SLC38A12: variants seen among roughly 807,000 people sequenced by gnomAD.
The protein encoded by SLC38A12 is putative sodium-coupled neutral amino acid transporter 12.
the SLC38A12 span, among the ~76,000 whole-genome samples, chr17:74,783,841 C>T: frequency 1.3e-5 from 2 of 151,224 alleles, no homozygotes; most frequent in Non-Finnish European, 2.9e-5. Context: ...AGCGATCCCC[C>T]TGCCTCAGCC....
At chr17:74,838,642 C>T in the SLC38A12 span, 24 of 1,378,374 alleles carry the variant, frequency 1.7e-5, no homozygotes, top group East Asian at 1.4e-4. Context: ...TCACCACTGC[C>T]GTTGTCTAGC....
the SLC38A12 span, among the ~76,000 whole-genome samples, chr17:74,833,664 C>T: frequency 6.6e-6 from 1 of 152,198 alleles, no homozygotes; most frequent in Non-Finnish European, 1.5e-5. Context: ...CTCTTCCTGC[C>T]TTCTTGCCTG....
the SLC38A12 span, among the ~76,000 whole-genome samples, chr17:74,803,629 A>G: frequency 1.3e-5 from 2 of 152,176 alleles, no homozygotes; most frequent in African/African-American, 4.8e-5. Flanking sequence ...TGGTGCAGTC[A>G]GGGATAAAAA....
chr17:74,783,207 G>A, the SLC38A12 span, among the ~76,000 whole-genome samples: 1 of 152,250 alleles, frequency 6.6e-6, no homozygotes, highest in African/African-American at 2.4e-5. Context: ...TCAGAGATAA[G>A]CAGGGTCCAG....
At chr17:74,836,307 A>T in the SLC38A12 span, 2 of 1,612,428 alleles carry the variant, frequency 1.2e-6, no homozygotes, top group Non-Finnish European at 1.7e-6. This position sits in a 1 kb window ranked among gnomAD's most constrained non-coding sequence, Gnocchi z 4.2. Context: ...CAACTTCCCC[A>T]TCATTGCCGT....
chr17:74,779,560 C>A, the SLC38A12 span, among the ~76,000 whole-genome samples: 4 of 152,210 alleles, frequency 2.6e-5, no homozygotes, highest in African/African-American at 9.7e-5. Flanking sequence ...TGGAACAATT[C>A]TTGGTCCTCT....
the SLC38A12 span, among the ~76,000 whole-genome samples, chr17:74,797,115 G>A: frequency 4.6e-5 from 7 of 152,150 alleles, no homozygotes; most frequent in East Asian, 1.2e-3. Context: ...CACACTCCCC[G>A]CCCACCAGCA....
the SLC38A12 span, among the ~76,000 whole-genome samples, chr17:74,782,113 G>A: frequency 6.6e-6 from 1 of 152,178 alleles, no homozygotes; most frequent in Non-Finnish European, 1.5e-5. Flanking sequence ...TTCTTCCCAG[G>A]CTGGAGCGCA....
At chr17:74,836,696 C>A in the SLC38A12 span, 4 of 1,584,356 alleles carry the variant, frequency 2.5e-6, no homozygotes, top group Admixed American at 6.8e-5. The surrounding 1 kb of genome is among the most constrained non-coding windows in gnomAD (Gnocchi z 4.2). Context: ...GATGGCAGGA[C>A]AGGCAGGTCT....
At chr17:74,791,199 GT>G in the SLC38A12 span, among the ~76,000 whole-genome samples, 5 of 152,196 alleles carry the variant, frequency 3.3e-5, no homozygotes, top group Non-Finnish European at 7.3e-5. Context: ...TTGCTGACCT[GT>G]TTTCCTGGAT....
At chr17:74,813,115 G>A in the SLC38A12 span, among the ~76,000 whole-genome samples, 1,541 of 152,262 alleles carry the variant, frequency 0.01, 33 homozygotes, top group African/African-American at 0.035. Flanking sequence ...CCCCTGCCCC[G>A]CCCCACTTCA....
At chr17:74,784,001 A>G in the SLC38A12 span, among the ~76,000 whole-genome samples, 1 of 151,764 alleles carries the variant, frequency 6.6e-6, no homozygotes, top group African/African-American at 2.4e-5. Flanking sequence ...TGCCAGGATT[A>G]CAGGCATGAG....
chr17:74,835,965 G>C, the SLC38A12 span: 1 of 1,611,474 alleles, frequency 6.2e-7, no homozygotes, highest in Middle Eastern at 1.7e-4. Flanking sequence ...GATCCGCATC[G>C]GGCACGGACA....
the SLC38A12 span, among the ~76,000 whole-genome samples, chr17:74,830,761 A>G: frequency 3.2e-4 from 49 of 152,282 alleles, no homozygotes; most frequent in African/African-American, 9.9e-4. Context: ...TGCCTGTTTT[A>G]TCTCAGCTCC....
the SLC38A12 span, among the ~76,000 whole-genome samples, chr17:74,817,020 CG>C: frequency 7.7e-6 from 1 of 129,178 alleles, no homozygotes; most frequent in African/African-American, 2.8e-5. Context: ...CTCCCGCCCC[CG>C]TCCCTCCCCA....
At chr17:74,812,831 C>G in the SLC38A12 span, among the ~76,000 whole-genome samples, 1 of 152,060 alleles carries the variant, frequency 6.6e-6, no homozygotes, top group Non-Finnish European at 1.5e-5. Context: ...CCCATCAGCC[C>G]CCAGCCCTGG....
chr17:74,809,063 A>G, the SLC38A12 span, among the ~76,000 whole-genome samples: 1 of 152,162 alleles, frequency 6.6e-6, no homozygotes, highest in African/African-American at 2.4e-5. Context: ...GAAGATGCTC[A>G]TTTTGTTGCC....
At chr17:74,836,282 C>G in the SLC38A12 span, 4 of 1,612,234 alleles carry the variant, frequency 2.5e-6, no homozygotes, top group Non-Finnish European at 3.4e-6. The surrounding 1 kb of genome is among the most constrained non-coding windows in gnomAD (Gnocchi z 4.2). Context: ...TCTTCCCCGT[C>G]TTCACCATCA....
chr17:74,813,671 T>C, the SLC38A12 span, among the ~76,000 whole-genome samples: 20 of 152,138 alleles, frequency 1.3e-4, no homozygotes, highest in Non-Finnish European at 2.4e-4. Flanking sequence ...TGGCTAATTT[T>C]TGTATTTTTA....
Sources: allele counts gnomAD v4.1 joint callset (sites outside exome capture counted in the v4.1 genomes callset), GRCh38; gene constraint gnomAD v4.1.1; non-coding constraint Gnocchi (gnomAD v3.1); transcripts MANE v1.5; gene names NCBI Gene and HGNC (gene_info 2026-07-23, HGNC 2026-07-21).